DPP6: variants seen among roughly 807,000 people sequenced by gnomAD.
DPP6 encodes the protein dipeptidyl peptidase like 6.
DPP6 carries 69 observed loss-of-function variants against 122.6 expected under a neutral mutation model. The ratio of observed to expected loss-of-function variants is 0.56; its 90% CI spans 0.46 to 0.69. DPP6 has a LOEUF of 0.69. Among genes scored for constraint, DPP6 ranks in the 30% least tolerant of loss-of-function variants. The probability of loss-of-function intolerance (pLI) is 0.00; values close to 1 mark genes in which losing one functional copy is unlikely to be tolerated. For synonymous variants in DPP6, 418 were observed against 433.1 expected (o/e 0.97, Z 0.43); for missense variants, 928 against 1,116.9 (o/e 0.83, Z 2.41).
chr7:154,172,299 T>A (rs1797575539), intron 1 of DPP6, among the ~76,000 whole-genome samples: 1 of 151,968 alleles, frequency 6.6e-6, no homozygotes, highest in Non-Finnish European at 1.5e-5. Flanking sequence ...AACAAGAAAA[T>A]ATCAAGGAGC....
intron 5 of DPP6, among the ~76,000 whole-genome samples, chr7:154,575,486 T>TA (rs1831574241): frequency 7.6e-6 from 1 of 132,440 alleles, no homozygotes; most frequent in African/African-American, 2.9e-5. Flanking sequence ...GGTGTGTGTG[T>TA]GGTGTGTGTT....
At chr7:154,750,200 C>T (rs1405497954) in intron 8 of DPP6, among the ~76,000 whole-genome samples, 1 of 152,190 alleles carries the variant, frequency 6.6e-6, no homozygotes, top group East Asian at 1.9e-4. Context: ...AAGGCTCCAT[C>T]CAATCTGAAA....
intron 1 of DPP6, among the ~76,000 whole-genome samples, chr7:154,256,777 C>G (rs1282461243): frequency 6.6e-6 from 1 of 152,126 alleles, no homozygotes; most frequent in Non-Finnish European, 1.5e-5. Context: ...CACTTGCTAA[C>G]CCCAAGGCAT....
At chr7:154,357,524 G>T (rs769540252) in intron 1 of DPP6, among the ~76,000 whole-genome samples, 1 of 152,164 alleles carries the variant, frequency 6.6e-6, no homozygotes, top group African/African-American at 2.4e-5. Context: ...CCTTTTCTCT[G>T]TAATGTATTC....
intron 1 of DPP6, among the ~76,000 whole-genome samples, chr7:154,301,227 T>C (rs1189907467): frequency 1.3e-5 from 2 of 152,186 alleles, no homozygotes; most frequent in Non-Finnish European, 2.9e-5. Flanking sequence ...GCCATTGTTA[T>C]TGTTATGATT....
At chr7:153,981,013 G>A (rs1245024302) in intron 1 of DPP6, among the ~76,000 whole-genome samples, 1 of 152,204 alleles carries the variant, frequency 6.6e-6, no homozygotes, top group East Asian at 1.9e-4. Flanking sequence ...TGAGAAGAAT[G>A]TATATTCTGT....
intron 3 of DPP6, among the ~76,000 whole-genome samples, chr7:154,510,753 A>C (rs960099823): frequency 6.6e-6 from 1 of 152,068 alleles, no homozygotes; most frequent in Non-Finnish European, 1.5e-5. Flanking sequence ...ATATTGGAGC[A>C]AGTAAGAGGG....
chr7:153,770,897 T>C, the DPP6 span, among the ~76,000 whole-genome samples: 1 of 152,152 alleles, frequency 6.6e-6, no homozygotes, highest in Admixed American at 6.5e-5. Flanking sequence ...GATGGATTAA[T>C]AGAATTTTTA....
chr7:154,557,817 G>A (rs1830153785), intron 4 of DPP6, among the ~76,000 whole-genome samples: 1 of 152,110 alleles, frequency 6.6e-6, no homozygotes, highest in African/African-American at 2.4e-5. Flanking sequence ...GCCAAGTTAA[G>A]AAGACAGAAG....
At chr7:154,094,668 C>G (rs1472276651) in intron 1 of DPP6, 2 of 152,190 alleles carry the variant, frequency 1.3e-5, no homozygotes, top group Non-Finnish European at 2.9e-5. Context: ...GGGACCAGCA[C>G]TGTCCCCATA....
chr7:153,837,039 AATC>A, the DPP6 span, among the ~76,000 whole-genome samples: 1 of 152,196 alleles, frequency 6.6e-6, no homozygotes, highest in Non-Finnish European at 1.5e-5. Context: ...TGCTCATTGT[AATC>A]ATCATGCCAC....
intron 1 of DPP6, among the ~76,000 whole-genome samples, chr7:153,952,101 T>C (rs1010335918): frequency 2.0e-5 from 3 of 152,284 alleles, no homozygotes; most frequent in Non-Finnish European, 4.4e-5. Flanking sequence ...TTTTGAACAA[T>C]CCTGTCACTG....
chr7:154,615,021 G>A (rs1189516969), intron 5 of DPP6, among the ~76,000 whole-genome samples: 1 of 152,174 alleles, frequency 6.6e-6, no homozygotes. Flanking sequence ...TCAGCTGGAG[G>A]CCCCTATTTG....
chr7:154,865,526 ATTTTCCATCAACTTCTAAACACCAGAAAC>A (rs1429182244), intron 17 of DPP6: 109 of 152,138 alleles, frequency 7.2e-4, no homozygotes, highest in African/African-American at 2.2e-3. Context: ...ACATCAGAAA[ATTTTCCATCAACTTCTAAACACCAGAAAC>A]TTTTCCATCA....
intron 1 of DPP6, among the ~76,000 whole-genome samples, chr7:154,212,822 A>G (rs1395061225): frequency 2.0e-5 from 3 of 152,244 alleles, no homozygotes; most frequent in Non-Finnish European, 2.9e-5. Flanking sequence ...ACAGAAGAGC[A>G]GGATGGATGC....
chr7:154,269,718 T>G (rs1803667410), intron 1 of DPP6, among the ~76,000 whole-genome samples: 1 of 152,188 alleles, frequency 6.6e-6, no homozygotes, highest in Non-Finnish European at 1.5e-5. Flanking sequence ...ACCTTATAGA[T>G]CTGTACTATT....
At chr7:154,498,240 G>A (rs756198834) in intron 3 of DPP6, among the ~76,000 whole-genome samples, 1 of 152,212 alleles carries the variant, frequency 6.6e-6, no homozygotes, top group Admixed American at 6.5e-5. Flanking sequence ...TGGACTGAGC[G>A]AGGTGGAAGG....
At chr7:154,478,423 TCTCCTCTTCCTC>T (rs1400215070) in intron 3 of DPP6, among the ~76,000 whole-genome samples, 1 of 152,082 alleles carries the variant, frequency 6.6e-6, no homozygotes, top group East Asian at 1.9e-4. Flanking sequence ...ACCATCACAG[TCTCCTCTTCCTC>T]CTCCTCTTCC....
intron 1 of DPP6, among the ~76,000 whole-genome samples, chr7:154,071,609 T>A (rs1420185342): frequency 7.2e-6 from 1 of 138,452 alleles, no homozygotes; most frequent in Admixed American, 6.8e-5. Context: ...ATGACCCAGC[T>A]GTATAATTAT....
Sources: allele counts gnomAD v4.1 joint callset (sites outside exome capture counted in the v4.1 genomes callset), GRCh38; gene constraint gnomAD v4.1.1; transcripts MANE v1.5; gene names NCBI Gene and HGNC (gene_info 2026-07-23, HGNC 2026-07-21).